The following TTLL10 variants were observed in gnomAD, a reference collection of about 807,000 sequenced individuals.
The protein encoded by TTLL10 is tubulin tyrosine ligase like 10.
In TTLL10, 61 loss-of-function variants were observed where a neutral mutation model predicts 69.0. The observed-to-expected ratio is 0.88, with a 90% CI of 0.72 to 1.09. The LOEUF (loss-of-function observed/expected upper bound fraction) is 1.09, where lower values mean the gene tolerates loss of function less well. TTLL10 is among the 50% of genes least tolerant of loss of function. The pLI is 0.00. For missense variants in TTLL10, 962 were observed against 945.9 expected, an observed-to-expected ratio of 1.02 and a Z score of -0.22; for synonymous variants, 408 against 393.3, an observed-to-expected ratio of 1.04 and a Z score of -0.44.
In TTLL10 at chr1:1,179,805, G is replaced by A. The variant is rs1646987888; in HGVS notation, c.199+68G>A. On this transcript the variant is annotated intron_variant, in intron 5 of 15. Coordinates refer to ENST00000379289, the MANE Select transcript of TTLL10 (RefSeq NM_001130045.2). ...AGCTCCCCACCCCCACCTGGAACCT[G>A]CCGGCAGGAAGCCTGGCCCTGGAGG... The A allele has an allele frequency of 2.7e-6, 4 of 1,480,358 alleles. No homozygotes were observed. In the Admixed American group the frequency reaches 9.0e-5, roughly 33 times the overall value. 91.7% of individuals were successfully genotyped at this position (1,480,358 alleles called of 1,614,324 possible).
chr1:1,193,504 C>A (rs940246974), intron 13 of TTLL10, among the ~76,000 whole-genome samples: 3 of 150,876 alleles, frequency 2.0e-5, no homozygotes, highest in African/African-American at 7.3e-5. Flanking sequence ...GCTCTTGTTG[C>A]CCAGGCTGGA....
rs1000625139 is a variant in TTLL10 at position 1,184,208 on chromosome 1, G to A, written c.1260+117G>A. The stretch of plus-strand genomic sequence containing the variant: ...CTACAGAAGGAGGTGGCCCAGGCCG[G>A]GAGGTGTCTCAGGCCTGGAAGTAGC... On this transcript the variant is annotated intron_variant, in intron 12 of 15. Transcript: ENST00000379289. 6.2e-6 allele frequency: 9 copies of A among 1,443,758 alleles called. No individual in the cohort carries two copies. In the African/African-American group the frequency reaches 1.1e-4, roughly 18 times the overall value. The allele number at this position is 1,443,758 out of a possible 1,614,324, so 89.4% of individuals were successfully genotyped here.
chr1:1,182,794 A>AG, intron 10 of TTLL10, 82 bp from the exon 11 acceptor site: 1 of 1,463,324 alleles, frequency 6.8e-7, no homozygotes, highest in Non-Finnish European at 9.1e-7. Context: ...CGCAGCCTGG[A>AG]GGGGAGGGTC....
chr1:1,176,300 A>T (rs1409126108), intron 3 of TTLL10: 1 of 432,824 alleles, frequency 2.3e-6, no homozygotes, highest in African/African-American at 2.3e-5. Context: ...TGCTGCTCCC[A>T]GCCGCTGTGC....
chr1:1,196,269 C>A, intron 13 of TTLL10: 1 of 285,726 alleles, frequency 3.5e-6, no homozygotes, highest in Non-Finnish European at 6.8e-6. Context: ...CGTTAAAATA[C>A]AACATAATTC....
chr1:1,189,415 G>A (rs1239848563), intron 13 of TTLL10, among the ~76,000 whole-genome samples: 1 of 152,182 alleles, frequency 6.6e-6, no homozygotes, highest in Non-Finnish European at 1.5e-5. Flanking sequence ...GTATCGCACT[G>A]ATTAACTTTC....
At position 1,179,341 on chromosome 1, in the gene TTLL10, G is replaced by T. The variant is rs1233127350; in HGVS notation, c.118+8G>T. The T allele has an allele frequency of 6.4e-7, 1 of 1,550,628 alleles. No individual in the cohort carries two copies. Among genetic ancestry groups the T allele is most frequent in the South Asian group, 1.2e-5 (1 of 84,052 alleles). ...CTCGGGCTCGAGTCTCAGGTGAATA[G>T]AGCAGCCCTGGGTGGCCTCCTACCT... On this transcript the variant is annotated splice_region_variant and intron_variant, in intron 4 of 15. Coordinates refer to ENST00000379289, the MANE Select transcript of TTLL10 (RefSeq NM_001130045.2).
chr1:1,182,509 G>A, intron 10 of TTLL10, 63 bp downstream of exon 10: 1 of 1,553,880 alleles, frequency 6.4e-7, no homozygotes, highest in South Asian at 1.1e-5. Context: ...GCTGGACCAA[G>A]GCGGGGGCTG....
chr1:1,177,625 C>G (rs532777503), intron 3 of TTLL10, among the ~76,000 whole-genome samples: 1 of 152,330 alleles, frequency 6.6e-6, no homozygotes, highest in Admixed American at 6.5e-5. Context: ...TTGTGTCACT[C>G]TTCTTCACAC....
intron 13 of TTLL10, among the ~76,000 whole-genome samples, chr1:1,192,742 T>C (rs1435184058): frequency 6.6e-6 from 1 of 151,866 alleles, no homozygotes; most frequent in Non-Finnish European, 1.5e-5. Flanking sequence ...GACACTCCAG[T>C]TGGTATGAGT....
chr1:1,196,974 A>G, intron 14 of TTLL10, 119 bp from the exon 15 acceptor site: 1 of 1,011,928 alleles, frequency 9.9e-7, no homozygotes, highest in Non-Finnish European at 1.5e-6. Context: ...ACAGGGGAGC[A>G]AGGCTATAGG....
At position 1,197,458 on chromosome 1, in the gene TTLL10, C is replaced by T. The variant is rs778253244; in HGVS notation, c.1633C>T (p.Arg545Trp). The change falls in exon 16 of 16, where the codon CGG becomes TGG. Residue 545 changes from arginine to tryptophan, a missense_variant. By Grantham distance (101) the Arg-to-Trp change is moderately radical (BLOSUM62 -3). Coordinates refer to ENST00000379289, the MANE Select transcript of TTLL10 (RefSeq NM_001130045.2). ...ETLDLVLETFRKSLRGQKMLP... is the reference protein window; with the variant it reads ...ETLDLVLETFWKSLRGQKMLP... ...ACCAGACCTGGTGCTCGAGACCTTCCGGAAGAGCCTGCGCGGCCAGAAGAT... is the reference window on the plus strand; with the variant it reads ...ACCAGACCTGGTGCTCGAGACCTTCTGGAAGAGCCTGCGCGGCCAGAAGAT... 4.0e-5 allele frequency: 62 copies of T among 1,544,180 alleles called. No individual in the cohort carries two copies. The highest frequency in any genetic ancestry group is 1.7e-4 in the Middle Eastern group (1 of 5,954).
At chr1:1,177,024 G>A (rs900806536) in intron 3 of TTLL10, among the ~76,000 whole-genome samples, 6 of 151,704 alleles carry the variant, frequency 4.0e-5, no homozygotes, top group Non-Finnish European at 5.9e-5. Flanking sequence ...ACATGTCTGC[G>A]TGTCTGTGTG....
rs1231185602 is a variant in TTLL10 at position 1,185,811 on chromosome 1, C to CA, written c.1401+705dup. On this transcript the variant is annotated intron_variant, in intron 13 of 15. Transcript: ENST00000379289. This position sits in a 1 kb window ranked among gnomAD's most constrained non-coding sequence, Gnocchi z 6.1. ...CTCCAGTTACTTTCCTCACATCTCC[C>CA]AAACTCTCTCTTAATTGCGATAATT... 2.1e-5 allele frequency: 21 copies of CA among 985,354 alleles called. No individual in the cohort carries two copies. The highest frequency in any genetic ancestry group is 2.3e-5 in the Non-Finnish European group (19 of 829,944). 61.0% of individuals were successfully genotyped at this position (985,354 alleles called of 1,614,324 possible).
In TTLL10 at chr1:1,187,904, CAA is replaced by C. The variant is rs35247267; in HGVS notation, c.1401+2809_1401+2810del. ...TGGGTGATGGAGCAAGACTCCATCT[CAA>C]AAAAAAAAAAAAATTGCCAAATCCA... is the stretch of plus-strand genomic sequence containing the variant. On this transcript the variant is annotated intron_variant, in intron 13 of 15. Transcript: ENST00000379289. Among the ~76,000 whole-genome samples the C allele has an allele frequency of 0.024, 3,245 of 135,230 alleles. 528 individuals are homozygous for C. In the East Asian group the frequency reaches 0.43, roughly 18 times the overall value. The allele number at this position is 135,230 out of a possible 152,430, so 88.7% of individuals were successfully genotyped here.
chr1:1,190,186 T>C (rs1647651996), intron 13 of TTLL10, among the ~76,000 whole-genome samples: 1 of 151,766 alleles, frequency 6.6e-6, no homozygotes, highest in Admixed American at 6.6e-5. Context: ...TATTCCCTTG[T>C]CATCCTTTTA....
Position 1,185,357 on chromosome 1 carries a change from G to A in TTLL10, c.1401+248G>A. Reference sequence around the variant, plus strand: ...GGGTCTGTCGGCACGAGTCCCGCGGGCAGCCTCGCCGTAGGGTCAGGGGAC... The same window carrying A: ...GGGTCTGTCGGCACGAGTCCCGCGGACAGCCTCGCCGTAGGGTCAGGGGAC... On this transcript the variant is annotated intron_variant, in intron 13 of 15. Coordinates refer to ENST00000379289, the MANE Select transcript of TTLL10 (RefSeq NM_001130045.2). The surrounding 1 kb of genome is among the most constrained non-coding windows in gnomAD (Gnocchi z 6.1). The A allele has an allele frequency of 7.4e-7, 1 of 1,352,332 alleles. No individual in the cohort carries two copies. Among genetic ancestry groups the A allele is most frequent in the Non-Finnish European group, 9.5e-7 (1 of 1,055,624 alleles). 83.8% of individuals were successfully genotyped at this position (1,352,332 alleles called of 1,614,324 possible).
In TTLL10 at chr1:1,184,701, C is replaced by A. The variant is rs557962407; in HGVS notation, c.1261-268C>A. On this transcript the variant is annotated intron_variant, in intron 12 of 15. Coordinates refer to ENST00000379289, the MANE Select transcript of TTLL10 (RefSeq NM_001130045.2). ...GTTCTCTTGGGGACCCCCGTGAGGACAGGCCCTCCGGACAGTCTGGGAGCC... is the reference window on the plus strand; with the variant it reads ...GTTCTCTTGGGGACCCCCGTGAGGAAAGGCCCTCCGGACAGTCTGGGAGCC... Among the ~76,000 whole-genome samples, 3 of 151,126 alleles carry A rather than the reference C, an allele frequency of 2.0e-5. No homozygotes were observed. The South Asian group carries it at 6.3e-4, about 32-fold the overall frequency.
intron 13 of TTLL10, among the ~76,000 whole-genome samples, chr1:1,195,017 G>A (rs1394733032): frequency 6.6e-6 from 1 of 152,004 alleles, no homozygotes; most frequent in Non-Finnish European, 1.5e-5. Context: ...TTTTGAGACA[G>A]GGTTTCTGTC....
Sources: allele counts gnomAD v4.1 joint callset (sites outside exome capture counted in the v4.1 genomes callset), GRCh38; gene constraint gnomAD v4.1.1; non-coding constraint Gnocchi (gnomAD v3.1); transcripts MANE v1.5; gene names NCBI Gene and HGNC (gene_info 2026-07-23, HGNC 2026-07-21).